The following FMN2 variants were observed in gnomAD, a reference collection of about 807,000 sequenced individuals.
FMN2 encodes the protein formin-2.
In FMN2, 51 loss-of-function variants were observed where a neutral mutation model predicts 142.3. That is an observed-to-expected ratio of 0.36 (90% confidence interval 0.29 to 0.45). The LOEUF (loss-of-function observed/expected upper bound fraction) is 0.45, where lower values mean the gene tolerates loss of function less well. Ranked by LOEUF, FMN2 falls within the 20% of genes least tolerant of loss-of-function variation. The pLI is 1.00. For synonymous variants in FMN2, 882 were observed against 869.8 expected, an observed-to-expected ratio of 1.01 and a Z score of -0.25; for missense variants, 1,936 against 2,122.8, an observed-to-expected ratio of 0.91 and a Z score of 1.73.
intron 6 of FMN2, among the ~76,000 whole-genome samples, chr1:240,232,270 TAAG>T (rs1667553961): frequency 7.7e-6 from 1 of 129,770 alleles, no homozygotes. Flanking sequence ...TTTTTTTTTT[TAAG>T]TAGAGACAGG....
chr1:240,142,151 G>A (rs1276726243), intron 2 of FMN2, among the ~76,000 whole-genome samples: 3 of 152,138 alleles, frequency 2.0e-5, no homozygotes, highest in African/African-American at 7.2e-5. Context: ...AAGCCTGTAG[G>A]TAGGAGTACG....
chr1:240,150,908 CAT>C (rs1257753860), intron 2 of FMN2, among the ~76,000 whole-genome samples: 1 of 152,160 alleles, frequency 6.6e-6, no homozygotes, highest in Non-Finnish European at 1.5e-5. Flanking sequence ...TACATCCACA[CAT>C]GTTAGCATTT....
In FMN2 at chr1:240,206,789, C is replaced by T. The variant is rs776056241; in HGVS notation, c.1987-10C>T. 15 of 1,599,690 alleles carry T rather than the reference C, an allele frequency of 9.4e-6. No individual in the cohort carries two copies. The highest frequency in any genetic ancestry group is 8.1e-5 in the African/African-American group (6 of 74,496). On this transcript the variant is annotated splice_polypyrimidine_tract_variant and intron_variant, in intron 4 of 17. Transcript: ENST00000319653. ...CATAACTAACTGTGTCTGTCCTTGT[C>T]GCCCTTCAGGAAGTTGTTGACATGA...
chr1:240,365,851 A>G (rs1319310009), intron 14 of FMN2, among the ~76,000 whole-genome samples: 2 of 152,148 alleles, frequency 1.3e-5, no homozygotes, highest in East Asian at 3.9e-4. Context: ...ACTTTACTTA[A>G]CACATGTATT....
At chr1:240,451,569 C>T (rs116832904) in intron 16 of FMN2, among the ~76,000 whole-genome samples, 1,779 of 152,130 alleles carry the variant, frequency 0.012, 18 homozygotes, top group Non-Finnish European at 0.018. Flanking sequence ...TGCCAGCAAG[C>T]CATGTTAGAG....
chr1:240,101,864 A>C (rs1220919694), intron 1 of FMN2, among the ~76,000 whole-genome samples: 4 of 152,088 alleles, frequency 2.6e-5, no homozygotes, highest in Non-Finnish European at 5.9e-5. Context: ...ATGTTATATA[A>C]TGTATGGCTC....
rs75061173 is a variant in FMN2, at chr1:240,112,459, T to C, written c.1616-10720T>C. On this transcript the variant is annotated intron_variant, in intron 1 of 17. Transcript: ENST00000319653. ...CTGCATTTTCTAGTTCAGAAAATGA[T>C]ATTAGAGGCTGGGTTTGAAGGACAG... Among the ~76,000 whole-genome samples the C allele has an allele frequency of 5.6e-3, 850 of 152,156 alleles. 1 individual carries two copies. The highest frequency in any genetic ancestry group is 9.2e-3 in the Non-Finnish European group (626 of 68,002).
chr1:240,369,729 T>C (rs762545843), intron 14 of FMN2, among the ~76,000 whole-genome samples: 2 of 152,236 alleles, frequency 1.3e-5, no homozygotes, highest in African/African-American at 2.4e-5. Context: ...GTCCAATTTT[T>C]GCTTCTTTGT....
intron 13 of FMN2, among the ~76,000 whole-genome samples, chr1:240,341,088 C>T (rs957669953): frequency 6.6e-6 from 1 of 152,136 alleles, no homozygotes; most frequent in African/African-American, 2.4e-5. Flanking sequence ...TCAACATTAT[C>T]TTCTAATTCA....
intron 16 of FMN2, among the ~76,000 whole-genome samples, chr1:240,468,206 A>ATATGTGTGTGTGTGTGTG (rs374934885): frequency 2.2e-4 from 33 of 147,970 alleles, no homozygotes; most frequent in African/African-American, 5.0e-4. Flanking sequence ...ATATATATAT[A>ATATGTGTGTGTGTGTGTG]TGTGTGTGTG....
chr1:240,327,591 G>T (rs1671213186), intron 8 of FMN2, among the ~76,000 whole-genome samples: 1 of 151,958 alleles, frequency 6.6e-6, no homozygotes, highest in Admixed American at 6.6e-5. Flanking sequence ...GTGATATTTT[G>T]GCTCTTTTAA....
intron 4 of FMN2, among the ~76,000 whole-genome samples, chr1:240,199,496 GA>G (rs1666049883): frequency 6.6e-6 from 1 of 152,056 alleles, no homozygotes; most frequent in Non-Finnish European, 1.5e-5. Flanking sequence ...CTTTTTCTGG[GA>G]ATCAGATAAT....
chr1:240,302,786 T>C (rs1162083386), intron 8 of FMN2, among the ~76,000 whole-genome samples: 1 of 152,046 alleles, frequency 6.6e-6, no homozygotes, highest in South Asian at 2.1e-4. Context: ...TTGCCTGATA[T>C]CTAAGTATAA....
Position 240,447,361 on chromosome 1 carries a change from T to C in FMN2, c.5060+9151T>C, listed in dbSNP as rs1675859950. On this transcript the variant is annotated intron_variant, in intron 16 of 17. Coordinates refer to ENST00000319653, the MANE Select transcript of FMN2 (RefSeq NM_020066.5). ...AGGACCTACAAAAAATAAGATAATA[T>C]TCAGGTATCTTGGACAGAGAATGAA... Among the ~76,000 whole-genome samples the C allele has an allele frequency of 2.6e-5, 4 of 152,136 alleles. 1 individual carries two copies. The South Asian group carries it at 8.3e-4, about 32-fold the overall frequency.
chr1:240,127,917 A>G (rs1571957105), intron 2 of FMN2, among the ~76,000 whole-genome samples: 1 of 152,250 alleles, frequency 6.6e-6, no homozygotes, highest in East Asian at 1.9e-4. Context: ...GATGAAGACC[A>G]GTTAGTAGGT....
At chr1:240,430,982 T>TAAAAAAAAA (rs377031896) in intron 15 of FMN2, among the ~76,000 whole-genome samples, 1 of 141,602 alleles carries the variant, frequency 7.1e-6, no homozygotes, top group Admixed American at 7.1e-5. Context: ...TCAGTCCCTT[T>TAAAAAAAAA]AAAAAAAAAA....
intron 6 of FMN2, among the ~76,000 whole-genome samples, chr1:240,233,356 G>A (rs1005142991): frequency 6.7e-6 from 1 of 150,168 alleles, no homozygotes; most frequent in African/African-American, 2.5e-5. Flanking sequence ...CTGCACTCCA[G>A]CCTGGGTGAC....
chr1:240,216,487 C>T (rs553773151), intron 6 of FMN2, among the ~76,000 whole-genome samples: 3 of 151,974 alleles, frequency 2.0e-5, no homozygotes, highest in South Asian at 4.2e-4. Flanking sequence ...AATTCTTTGC[C>T]CAGAGAATGG....
At chr1:240,432,093 TA>T (rs1675198653) in intron 15 of FMN2, among the ~76,000 whole-genome samples, 1 of 151,970 alleles carries the variant, frequency 6.6e-6, no homozygotes, top group African/African-American at 2.4e-5. Flanking sequence ...GTGAAACAAA[TA>T]GGGTCAGAAT....
Sources: allele counts gnomAD v4.1 joint callset (sites outside exome capture counted in the v4.1 genomes callset), GRCh38; gene constraint gnomAD v4.1.1; transcripts MANE v1.5; gene names NCBI Gene and HGNC (gene_info 2026-07-23, HGNC 2026-07-21).